The following CTNNA3 variants were observed in gnomAD, a reference collection of about 807,000 sequenced individuals.
CTNNA3 encodes catenin alpha-3.
CTNNA3 carries 76 observed loss-of-function variants against 95.7 expected under a neutral mutation model. The ratio of observed to expected loss-of-function variants is 0.79; its 90% CI spans 0.66 to 0.96. CTNNA3 has a LOEUF of 0.96. CTNNA3 is among the 40% of genes least tolerant of loss of function. CTNNA3 has a pLI of 0.00. For synonymous variants in CTNNA3, 431 were observed against 374.4 expected (o/e 1.15, Z -1.74); for missense variants, 1,191 against 1,089.8 (o/e 1.09, Z -1.31).
intron 7 of CTNNA3, among the ~76,000 whole-genome samples, chr10:67,002,791 AAC>A (rs1851759946): frequency 6.6e-6 from 1 of 152,138 alleles, no homozygotes; most frequent in Non-Finnish European, 1.5e-5. Context: ...GGGTTAAATA[AAC>A]ACAATTAGGT....
chr10:66,420,741 G>A (rs75385703), intron 11 of CTNNA3, among the ~76,000 whole-genome samples: 1 of 151,860 alleles, frequency 6.6e-6, no homozygotes, highest in Admixed American at 6.6e-5. Flanking sequence ...AGAGGTTGCA[G>A]TGAGCCAAGA....
intron 17 of CTNNA3, among the ~76,000 whole-genome samples, chr10:65,945,978 T>G (rs1302073583): frequency 6.6e-6 from 1 of 152,122 alleles, no homozygotes; most frequent in Non-Finnish European, 1.5e-5. Context: ...CAATTTTACA[T>G]TTTCACTAAA....
intron 5 of CTNNA3, among the ~76,000 whole-genome samples, chr10:67,347,372 C>T (rs1327376745): frequency 6.6e-6 from 1 of 151,954 alleles, no homozygotes; most frequent in Non-Finnish European, 1.5e-5. Context: ...GCCAGTAATC[C>T]CAGAATTTTT....
chr10:66,286,516 G>A (rs760711113), intron 12 of CTNNA3, among the ~76,000 whole-genome samples: 49 of 152,058 alleles, frequency 3.2e-4, no homozygotes, highest in Non-Finnish European at 5.7e-4. Flanking sequence ...CAGGGAAAAA[G>A]TTAAAGAAAA....
At chr10:67,763,414 T>G (rs1486057710) in intron 1 of CTNNA3, among the ~76,000 whole-genome samples, 3 of 152,126 alleles carry the variant, frequency 2.0e-5, no homozygotes, top group African/African-American at 7.2e-5. Context: ...GTATGGAAGG[T>G]CTCAAGAAAA....
At chr10:67,668,749 A>G (rs1030562869) in intron 1 of CTNNA3, among the ~76,000 whole-genome samples, 7 of 151,042 alleles carry the variant, frequency 4.6e-5, no homozygotes, top group Non-Finnish European at 1.0e-4. Context: ...TGGAATTTCC[A>G]TTTCATATTT....
At chr10:66,671,222 T>G (rs1335518651) in intron 9 of CTNNA3, among the ~76,000 whole-genome samples, 2 of 152,170 alleles carry the variant, frequency 1.3e-5, no homozygotes, top group Non-Finnish European at 2.9e-5. Context: ...AAATATGTTA[T>G]AAGAGCATTA....
chr10:67,008,962 G>A (rs1031087459), intron 7 of CTNNA3, among the ~76,000 whole-genome samples: 1 of 152,056 alleles, frequency 6.6e-6, no homozygotes, highest in Non-Finnish European at 1.5e-5. Context: ...ACTTGGGTGG[G>A]TATAAAACCT....
At chr10:66,020,180 T>G (rs1564582674) in intron 15 of CTNNA3, among the ~76,000 whole-genome samples, 1 of 152,172 alleles carries the variant, frequency 6.6e-6, no homozygotes, top group African/African-American at 2.4e-5. Flanking sequence ...TTAAAGCTTA[T>G]AAGATCAATT....
At chr10:67,390,196 G>C (rs1174681662) in intron 5 of CTNNA3, among the ~76,000 whole-genome samples, 1 of 152,086 alleles carries the variant, frequency 6.6e-6, no homozygotes, top group Non-Finnish European at 1.5e-5. Flanking sequence ...GAATCAAATA[G>C]ATGCAATAAA....
In CTNNA3 at chr10:67,178,572, G is replaced by A. The variant is rs947865467; in HGVS notation, c.1047+1745C>T. On this transcript the variant is annotated intron_variant, in intron 7 of 17. Coordinates refer to ENST00000433211, the MANE Select transcript of CTNNA3 (RefSeq NM_013266.4). Reference sequence around the variant, plus strand: ...TTTTGTATTAGGCCCCACAAATTACGTGGCCAACCTTACCTATGTATGTGG... The same window carrying A: ...TTTTGTATTAGGCCCCACAAATTACATGGCCAACCTTACCTATGTATGTGG... Among the ~76,000 whole-genome samples the A allele has an allele frequency of 5.3e-5, 8 of 152,034 alleles. No homozygotes were observed. The South Asian group carries it at 6.2e-4, about 12-fold the overall frequency.
At chr10:66,525,442 A>T (rs977405007) in intron 10 of CTNNA3, among the ~76,000 whole-genome samples, 9 of 152,154 alleles carry the variant, frequency 5.9e-5, no homozygotes, top group African/African-American at 1.9e-4. Context: ...AAGGTTACCA[A>T]GTTATTAAGG....
At chr10:66,076,751 T>C (rs1281091660) in intron 14 of CTNNA3, among the ~76,000 whole-genome samples, 2 of 151,688 alleles carry the variant, frequency 1.3e-5, no homozygotes, top group Admixed American at 1.3e-4. Context: ...TTGACATTTG[T>C]TCACACTTCC....
At chr10:67,399,174 G>A (rs1260366339) in intron 5 of CTNNA3, among the ~76,000 whole-genome samples, 3 of 152,102 alleles carry the variant, frequency 2.0e-5, no homozygotes, top group African/African-American at 4.8e-5. Flanking sequence ...AGGGAGGCAA[G>A]AGAGACAGGC....
chr10:67,511,277 A>C (rs1003894547), intron 5 of CTNNA3, among the ~76,000 whole-genome samples: 1 of 152,210 alleles, frequency 6.6e-6, no homozygotes, highest in Non-Finnish European at 1.5e-5. Context: ...GCCAGTTTTC[A>C]AAAGGAATGA....
intron 2 of CTNNA3, among the ~76,000 whole-genome samples, chr10:67,633,767 A>G (rs1839219985): frequency 6.6e-6 from 1 of 152,216 alleles, no homozygotes; most frequent in South Asian, 2.1e-4. Flanking sequence ...GAGCAGGAAG[A>G]CAAGATTAGA....
chr10:66,642,636 G>A (rs1050876218), intron 9 of CTNNA3, among the ~76,000 whole-genome samples: 9 of 151,986 alleles, frequency 5.9e-5, no homozygotes, highest in East Asian at 1.9e-4. Context: ...ATAAATGCCC[G>A]CCATTTTCAA....
intron 12 of CTNNA3, among the ~76,000 whole-genome samples, chr10:66,299,174 T>C (rs538928672): frequency 1.2e-4 from 19 of 152,276 alleles, no homozygotes; most frequent in East Asian, 3.9e-4. Flanking sequence ...TGATGTCTCG[T>C]ATCTCACTAA....
chr10:66,454,885 T>C (rs1253489148), intron 11 of CTNNA3, among the ~76,000 whole-genome samples: 1 of 151,782 alleles, frequency 6.6e-6, no homozygotes, highest in African/African-American at 2.4e-5. Flanking sequence ...GATAAAAAAA[T>C]ATAAACATCA....
Sources: gnomAD v4.1 joint callset for allele counts (sites outside exome capture counted in the v4.1 genomes callset) on GRCh38, gnomAD v4.1.1 for gene constraint, MANE v1.5 for transcripts, NCBI Gene and HGNC (gene_info 2026-07-23, HGNC 2026-07-21) for gene names.